The following VRK2 variants were observed in gnomAD, a reference collection of about 807,000 sequenced individuals.
VRK2 encodes the protein serine/threonine-protein kinase VRK2.
VRK2 carries 60 observed loss-of-function variants against 57.6 expected under a neutral mutation model. That is an observed-to-expected ratio of 1.04 (90% CI 0.85 to 1.29). The LOEUF (loss-of-function observed/expected upper bound fraction) is 1.29. VRK2 is among the 50% of genes most tolerant of loss of function. VRK2 has a pLI of 0.00. For synonymous variants in VRK2, 231 were observed against 199.2 expected, an observed-to-expected ratio of 1.16 and a Z score of -1.35; for missense variants, 705 against 588.1, an observed-to-expected ratio of 1.20 and a Z score of -2.06.
intron 1 of VRK2, among the ~76,000 whole-genome samples, chr2:57,927,831 GT>G (rs928468094): frequency 4.9e-4 from 75 of 152,198 alleles, no homozygotes; most frequent in African/African-American, 1.7e-3. Context: ...TAAAAGTGGG[GT>G]TTTTTTCCTT....
At chr2:57,919,799 A>G (rs1670279062) in intron 1 of VRK2, among the ~76,000 whole-genome samples, 1 of 152,250 alleles carries the variant, frequency 6.6e-6, no homozygotes, top group East Asian at 1.9e-4. Flanking sequence ...ACACTAATCC[A>G]TTAATCAACC....
intron 3 of VRK2, among the ~76,000 whole-genome samples, chr2:58,036,671 G>C (rs1181330364): frequency 6.6e-6 from 1 of 151,958 alleles, no homozygotes; most frequent in Non-Finnish European, 1.5e-5. Flanking sequence ...TATGGTGTTG[G>C]CTAAAGAATA....
chr2:58,025,929 T>C (rs747258293), intron 2 of VRK2, among the ~76,000 whole-genome samples: 10 of 152,214 alleles, frequency 6.6e-5, no homozygotes, highest in Non-Finnish European at 1.5e-4. Flanking sequence ...ATCTAATTTA[T>C]AAGGTGTACA....
chr2:58,070,377 G>A (rs1322502997), intron 2 of VRK2, among the ~76,000 whole-genome samples: 1 of 151,910 alleles, frequency 6.6e-6, no homozygotes, highest in Admixed American at 6.6e-5. Context: ...TATGGGTTTT[G>A]GTATATGCAT....
chr2:58,031,532 G>A (rs962616697), intron 2 of VRK2, among the ~76,000 whole-genome samples: 5 of 152,032 alleles, frequency 3.3e-5, no homozygotes, highest in African/African-American at 1.2e-4. Flanking sequence ...AAACATTCAA[G>A]TACACTTTAA....
intron 2 of VRK2, among the ~76,000 whole-genome samples, chr2:58,079,996 G>A (rs1005660349): frequency 1.3e-5 from 2 of 151,706 alleles, no homozygotes; most frequent in Admixed American, 1.3e-4. Context: ...TTTTCTCCAG[G>A]TAACTTTTTT....
chr2:58,022,903 C>T (rs564818834), intron 1 of VRK2, among the ~76,000 whole-genome samples: 125 of 152,032 alleles, frequency 8.2e-4, no homozygotes, highest in African/African-American at 2.8e-3. Flanking sequence ...AGGAAGTTTA[C>T]GTACTGGAAG....
chr2:58,078,162 C>G (rs1670393948), intron 2 of VRK2, among the ~76,000 whole-genome samples: 1 of 152,082 alleles, frequency 6.6e-6, no homozygotes, highest in Admixed American at 6.6e-5. Context: ...TTCCTCTTTT[C>G]CCAGCACCTG....
intron 1 of VRK2, among the ~76,000 whole-genome samples, chr2:57,937,442 T>A (rs1465449969): frequency 1.3e-5 from 2 of 152,200 alleles, no homozygotes; most frequent in Non-Finnish European, 2.9e-5. Context: ...AAATCACAGC[T>A]TTTCTTAGTG....
At chr2:58,081,457 G>T (rs1371036829) in intron 2 of VRK2, among the ~76,000 whole-genome samples, 1 of 151,688 alleles carries the variant, frequency 6.6e-6, no homozygotes, top group African/African-American at 2.4e-5. Flanking sequence ...TATTCTAACT[G>T]TGTTTTCTTT....
intron 7 of VRK2, among the ~76,000 whole-genome samples, chr2:58,091,296 TTG>T (rs754956141): frequency 5.3e-5 from 8 of 152,150 alleles, no homozygotes; most frequent in Non-Finnish European, 1.0e-4. Flanking sequence ...CGGAGAGACT[TTG>T]TGTGGGCTTG....
intron 2 of VRK2, among the ~76,000 whole-genome samples, chr2:58,052,077 C>T (rs973109375): frequency 3.9e-5 from 6 of 152,068 alleles, no homozygotes; most frequent in East Asian, 1.9e-4. Context: ...AAGTAAATTA[C>T]GGGAGAATTG....
Position 58,139,626 on chromosome 2 carries a change from C to T in VRK2, c.857-40C>T, listed in dbSNP as rs368538272. 29 of 1,564,756 alleles carry T rather than the reference C, an allele frequency of 1.9e-5. 1 individual carries two copies. The African/African-American group carries it at 2.6e-4, about 14-fold the overall frequency. On this transcript the variant is annotated intron_variant, in intron 10 of 12. Transcript: ENST00000340157. The stretch of plus-strand genomic sequence containing the variant: ...ATTACTGGAGTCTTGACAATTCTTG[C>T]CAATTGTGAATGACATGTAAAAAAT...
intron 8 of VRK2, among the ~76,000 whole-genome samples, chr2:58,125,958 T>C (rs1678281324): frequency 6.6e-6 from 1 of 152,034 alleles, no homozygotes; most frequent in Non-Finnish European, 1.5e-5. Flanking sequence ...TAAATAATCA[T>C]TTAGCCATAT....
chr2:58,152,771 C>T (rs933484939), intron 12 of VRK2, among the ~76,000 whole-genome samples: 6 of 151,636 alleles, frequency 4.0e-5, no homozygotes, highest in Admixed American at 6.6e-5. Context: ...CTGTAGACTC[C>T]GAAATTGCAA....
intron 1 of VRK2, among the ~76,000 whole-genome samples, chr2:57,949,224 T>A (rs373608934): frequency 6.6e-6 from 1 of 152,202 alleles, no homozygotes; most frequent in Non-Finnish European, 1.5e-5. Flanking sequence ...TGATAATGAT[T>A]ACAAGTTATA....
intron 11 of VRK2, among the ~76,000 whole-genome samples, chr2:58,142,673 A>G (rs897412694): frequency 2.0e-5 from 3 of 151,896 alleles, no homozygotes; most frequent in African/African-American, 7.2e-5. Flanking sequence ...CAATATTTCA[A>G]TAAGAATGCT....
At chr2:58,133,119 A>T (rs1211780969) in intron 9 of VRK2, among the ~76,000 whole-genome samples, 1 of 152,150 alleles carries the variant, frequency 6.6e-6, no homozygotes, top group Middle Eastern at 3.2e-3. Flanking sequence ...TAATGATTAT[A>T]TATTTGTTTT....
chr2:57,981,676 G>A (rs1351273291), intron 1 of VRK2, among the ~76,000 whole-genome samples: 4 of 152,200 alleles, frequency 2.6e-5, no homozygotes, highest in South Asian at 2.1e-4. Context: ...GAGTGCCAAT[G>A]AGTCATAAGT....
Sources: gnomAD v4.1 joint callset for allele counts (sites outside exome capture counted in the v4.1 genomes callset) on GRCh38, gnomAD v4.1.1 for gene constraint, MANE v1.5 for transcripts, NCBI Gene and HGNC (gene_info 2026-07-23, HGNC 2026-07-21) for gene names.